Variants in SFPQ observed in about 807,000 individuals in gnomAD.
SFPQ encodes splicing factor, proline- and glutamine-rich.
In SFPQ, 11 loss-of-function variants were observed where a neutral mutation model predicts 72.9. The ratio of observed to expected loss-of-function variants is 0.15; its 90% CI spans 0.09 to 0.25. SFPQ has a LOEUF of 0.25. Among genes scored for constraint, SFPQ ranks in the 10% least tolerant of loss-of-function variants. SFPQ has a pLI of 1.00. For missense variants in SFPQ, 847 were observed against 993.3 expected, an observed-to-expected ratio of 0.85 and a Z score of 1.98; for synonymous variants, 506 against 367.3, an observed-to-expected ratio of 1.38 and a Z score of -4.32.
At chr1:35,178,093 G>A, downstream of SFPQ, 1 of 1,221,128 alleles carries the variant, frequency 8.2e-7, no homozygotes, top group Non-Finnish European at 1.0e-6. Context: ...ATAAAGGTTT[G>A]AAAATGCTAG....
rs1239952990 is a variant in SFPQ at position 35,183,184 on chromosome 1, G to A, written c.*1272C>T. The A allele has an allele frequency of 4.9e-6, 5 of 1,012,838 alleles. No individual in the cohort carries two copies. Among genetic ancestry groups the A allele is most frequent in the East Asian group, 1.3e-4 (2 of 14,982 alleles). The allele number at this position is 1,012,838 out of a possible 1,614,324, so 62.7% of individuals were successfully genotyped here. A position where few individuals can be genotyped will look rare whatever the true frequency, so the allele number is the denominator to read the frequency against. On this transcript the variant is annotated 3_prime_UTR_variant, in exon 10 of 10. Coordinates refer to ENST00000357214, the MANE Select transcript of SFPQ (RefSeq NM_005066.3). ...CACAAGGAGATGTAAAAGTTACAGA[G>A]TACAAATGTATATATAACTAAACCT...
In SFPQ at chr1:35,192,613, C is replaced by G; in HGVS notation, c.437G>C (p.Gly146Ala). 7.3e-7 allele frequency: 1 copy of G among 1,368,852 alleles called. No individual in the cohort carries two copies. Among genetic ancestry groups the G allele is most frequent in the Non-Finnish European group, 9.3e-7 (1 of 1,069,694 alleles). 84.8% of individuals were successfully genotyped at this position (1,368,852 alleles called of 1,614,324 possible). A position where few individuals can be genotyped will look rare whatever the true frequency, so the allele number is the denominator to read the frequency against. The change falls in exon 1 of 10, where the codon GGG (glycine) becomes GCG (alanine). Residue 146 changes from glycine (G) to alanine (A), a missense_variant. Physicochemically the swap from Gly to Ala is moderately conservative, Grantham distance 60. This residue lies in a region of SFPQ where 498 missense variants were observed against 405.1 expected (regional missense o/e 1.23). Coordinates refer to ENST00000357214, the MANE Select transcript of SFPQ (RefSeq NM_005066.3). ...PPTSGAPPGSGPGPTPTPPPA... is the reference protein window; with the variant it reads ...PPTSGAPPGSAPGPTPTPPPA... ...CGGCGGGGTCGGAGTCGGGCCTGGC[C>G]CGGACCCTGGCGGGGCCCCCGAGGT... is the stretch of plus-strand genomic sequence containing the variant.
chr1:35,181,273 G>A, downstream of SFPQ: 3 of 1,065,738 alleles, frequency 2.8e-6, no homozygotes, highest in Non-Finnish European at 3.4e-6. Flanking sequence ...TTATGTAGCA[G>A]GCCACTACTT....
downstream of SFPQ, chr1:35,178,513 C>T: frequency 9.4e-7 from 1 of 1,062,406 alleles, no homozygotes; most frequent in Non-Finnish European, 1.1e-6. Flanking sequence ...TCCCACAGTA[C>T]ACAACGCTGT....
intron 7 of SFPQ, 135 bp downstream of exon 7, chr1:35,187,838 T>C: frequency 1.5e-6 from 1 of 660,502 alleles, no homozygotes; most frequent in Non-Finnish European, 2.7e-6. Context: ...TACAAGGAAA[T>C]CAAACATAAT....
At chr1:35,179,846 G>C, downstream of SFPQ, 13 of 1,053,602 alleles carry the variant, frequency 1.2e-5, no homozygotes, top group Non-Finnish European at 1.5e-5. Context: ...AACCACGGCA[G>C]CAAGCACTGG....
chr1:35,182,739 TAACTCAG>T, downstream of SFPQ: 1 of 985,416 alleles, frequency 1.0e-6, no homozygotes, highest in Non-Finnish European at 1.2e-6. Flanking sequence ...GAATGGAACG[TAACTCAG>T]AACAAAGCCA....
downstream of SFPQ, chr1:35,180,460 A>G (rs1570108030): frequency 9.5e-7 from 1 of 1,049,662 alleles, no homozygotes; most frequent in Non-Finnish European, 1.2e-6. Context: ...GATTCCCAAC[A>G]TGTATTCGAC....
intron 4 of SFPQ, 39 bp from the exon 5 acceptor site, chr1:35,189,421 A>G (rs761899424): frequency 2.7e-6 from 4 of 1,492,006 alleles, no homozygotes; most frequent in Non-Finnish European, 3.7e-6. Flanking sequence ...CCGATTTGTG[A>G]ATGCATACCA....
rs1639876724 is a variant in SFPQ, at chr1:35,189,253, T to G, written c.1545A>C (p.Ala515=). The G allele has an allele frequency of 1.2e-6, 2 of 1,613,872 alleles. No homozygotes were observed. Among genetic ancestry groups the G allele is most frequent in the Non-Finnish European group, 1.7e-6 (2 of 1,179,674 alleles). Residue 515 remains alanine (A), a synonymous_variant, in exon 5 of 10, where the codon GCA becomes GCC. Coordinates refer to ENST00000357214, the MANE Select transcript of SFPQ (RefSeq NM_005066.3). The part of the protein sequence containing the change: ...REQVEKNMKD[A]KDKLESEMED... Reference sequence around the variant, plus strand: ...CCATTTCACTTTCCAATTTGTCTTTTGCATCTTTCATGTTTTTTTCAACTT... The same window carrying G: ...CCATTTCACTTTCCAATTTGTCTTTGGCATCTTTCATGTTTTTTTCAACTT...
In SFPQ at chr1:35,188,074, G is replaced by C. The variant is rs367647289; in HGVS notation, c.1714C>G (p.Arg572Gly). ...EMQLRQEEER[R>G]RREEEMMIRQ... Reference sequence around the variant, plus strand: ...ATCATCATCTCTTCCTCTCTTCTACGTCGTTCCTCCTCTTGCCTAGAAATA... The same window carrying C: ...ATCATCATCTCTTCCTCTCTTCTACCTCGTTCCTCCTCTTGCCTAGAAATA... The change falls in exon 7 of 10, where the codon CGT (arginine) becomes GGT (glycine). Residue 572 changes from arginine (R) to glycine (G), a missense_variant. Arg to Gly is a moderately radical substitution (Grantham distance 125). Transcript: ENST00000357214. The C allele has an allele frequency of 1.9e-6, 3 of 1,613,130 alleles. No homozygotes were observed. The highest frequency in any genetic ancestry group is 1.7e-5 in the Admixed American group (1 of 59,966).
At chr1:35,188,306 C>T (rs12075530) in intron 6 of SFPQ, among the ~76,000 whole-genome samples, 10,417 of 152,152 alleles carry the variant, frequency 0.068, 910 homozygotes, top group East Asian at 0.38. Context: ...AGTGTTAAAC[C>T]AACACTGACA....
At chr1:35,185,173 A>T (rs1007709457) in intron 9 of SFPQ, among the ~76,000 whole-genome samples, 1 of 152,368 alleles carries the variant, frequency 6.6e-6, no homozygotes, top group Admixed American at 6.5e-5. Context: ...AAGAAAAAGC[A>T]TAAGACTATA....
Position 35,183,666 on chromosome 1 carries a change from T to C in SFPQ, c.*790A>G. The stretch of plus-strand genomic sequence containing the variant: ...CAAGCCATTTATAGGGCTTGAGATT[T>C]GTTGGTCTTTTAAAAACAAGAAATG... On this transcript the variant is annotated 3_prime_UTR_variant, in exon 10 of 10. Coordinates refer to ENST00000357214, the MANE Select transcript of SFPQ (RefSeq NM_005066.3). 2.9e-6 allele frequency: 3 copies of C among 1,038,784 alleles called. No individual in the cohort carries two copies. Among genetic ancestry groups the C allele is most frequent in the Non-Finnish European group, 3.5e-6 (3 of 862,318 alleles). 64.3% of individuals were successfully genotyped at this position (1,038,784 alleles called of 1,614,324 possible). A position where few individuals can be genotyped will look rare whatever the true frequency, so the allele number is the denominator to read the frequency against.
At chr1:35,176,532 AAACAT>A (rs1332888081) in intron 5 of SFPQ, 1 of 152,162 alleles carries the variant, frequency 6.6e-6, no homozygotes, top group African/African-American at 2.4e-5. Context: ...CCAAATTCTC[AAACAT>A]AACATTATAT....
At chr1:35,188,894 G>A (rs768354512) in intron 6 of SFPQ, 109 bp downstream of exon 6, 199 of 807,804 alleles carry the variant, frequency 2.5e-4, no homozygotes, top group Middle Eastern at 7.0e-4. Flanking sequence ...CCAGGAAGCG[G>A]AGGTTGTGGT....
In SFPQ at chr1:35,192,675, T is replaced by C. The variant is rs2148629242; in HGVS notation, c.375A>G (p.Pro125=). 7.1e-7 allele frequency: 1 copy of C among 1,407,910 alleles called. No homozygotes were observed. The highest frequency in any genetic ancestry group is 2.6e-4 in the Middle Eastern group (1 of 3,870). The allele number at this position is 1,407,910 out of a possible 1,614,324, so 87.2% of individuals were successfully genotyped here. A position where few individuals can be genotyped will look rare whatever the true frequency, so the allele number is the denominator to read the frequency against. ...PGPAPGVGSA[P]PASSSAPPAT... ...CGGGCGGGGCCGAGCTGGAGGCTGG[T>C]GGTGCGCTGCCTACTCCGGGAGCGG... is the stretch of plus-strand genomic sequence containing the variant. Residue 125 remains proline (P), a synonymous_variant, in exon 1 of 10, where the codon CCA becomes CCG. Transcript: ENST00000357214.
chr1:35,186,436 T>A (rs1218507315), intron 9 of SFPQ, among the ~76,000 whole-genome samples: 2 of 152,170 alleles, frequency 1.3e-5, no homozygotes, highest in Non-Finnish European at 2.9e-5. Flanking sequence ...AATGGAGATG[T>A]CAGTTGATTT....
Position 35,184,101 on chromosome 1 carries a change from G to A in SFPQ, c.*355C>T. 6 of 1,117,204 alleles carry A rather than the reference G, an allele frequency of 5.4e-6. No homozygotes were observed. Among genetic ancestry groups the A allele is most frequent in the Non-Finnish European group, 6.6e-6 (6 of 914,092 alleles). The allele number at this position is 1,117,204 out of a possible 1,614,324, so 69.2% of individuals were successfully genotyped here. On this transcript the variant is annotated 3_prime_UTR_variant, in exon 10 of 10. Coordinates refer to ENST00000357214, the MANE Select transcript of SFPQ (RefSeq NM_005066.3). Reference sequence around the variant, plus strand: ...CCTAATATGCATAGAAGCATGAATGGCAAAGTTGAAGATCAATATTATAAC... The same window carrying A: ...CCTAATATGCATAGAAGCATGAATGACAAAGTTGAAGATCAATATTATAAC...
Sources: allele counts gnomAD v4.1 joint callset (sites outside exome capture counted in the v4.1 genomes callset), GRCh38; gene constraint gnomAD v4.1.1; regional missense constraint gnomAD v4.1.1; transcripts MANE v1.5; gene names NCBI Gene and HGNC (gene_info 2026-07-23, HGNC 2026-07-21).